Variants in SYT1 observed in about 807,000 individuals in gnomAD.
SYT1 encodes the protein synaptotagmin 1.
Under a neutral mutation model 44.8 loss-of-function variants are expected in SYT1, and 8 were observed. The ratio of observed to expected loss-of-function variants is 0.18; its 90% CI spans 0.10 to 0.32. The LOEUF is 0.32. Ranked by LOEUF, SYT1 falls within the 10% of genes least tolerant of loss-of-function variation. The pLI is 1.00. For missense variants in SYT1, 286 were observed against 509.3 expected, an observed-to-expected ratio of 0.56 and a Z score of 4.22; for synonymous variants, 154 against 188.8, an observed-to-expected ratio of 0.82 and a Z score of 1.51.
intron 1 of SYT1, among the ~76,000 whole-genome samples, chr12:78,896,332 A>C (rs986815101): frequency 1.3e-5 from 2 of 151,826 alleles, no homozygotes. Flanking sequence ...GGAAGAAAGA[A>C]TATATGGAAA....
intron 8 of SYT1, among the ~76,000 whole-genome samples, chr12:79,338,549 A>C (rs1459246652): frequency 6.6e-6 from 1 of 151,522 alleles, no homozygotes; most frequent in South Asian, 2.1e-4. Flanking sequence ...CTGGGATTAC[A>C]ACTGTGAGCC....
At chr12:79,285,627 G>A (rs566831815) in intron 4 of SYT1, among the ~76,000 whole-genome samples, 160 bp from the exon 5 acceptor site, 1 of 152,306 alleles carries the variant, frequency 6.6e-6, no homozygotes, top group African/African-American at 2.4e-5. Flanking sequence ...ACTCAAGGGA[G>A]ACAACAACAT....
At chr12:79,249,755 A>G (rs1185166145) in intron 4 of SYT1, among the ~76,000 whole-genome samples, 5 of 152,092 alleles carry the variant, frequency 3.3e-5, no homozygotes, top group Admixed American at 2.6e-4. Context: ...AGAGAAGGTT[A>G]GGTCACCATT....
At chr12:78,880,535 C>T (rs780075487) in intron 1 of SYT1, among the ~76,000 whole-genome samples, 2 of 151,458 alleles carry the variant, frequency 1.3e-5, no homozygotes, top group African/African-American at 2.4e-5. Context: ...ACTTCCTGAT[C>T]TCCGAATGCC....
At chr12:79,321,543 G>A (rs1475773740) in intron 8 of SYT1, among the ~76,000 whole-genome samples, 1 of 152,184 alleles carries the variant, frequency 6.6e-6, no homozygotes, top group Non-Finnish European at 1.5e-5. Context: ...ATGTTAAAGG[G>A]AAGGAAATGG....
chr12:79,248,787 C>T (rs1043584924), intron 4 of SYT1, among the ~76,000 whole-genome samples: 1 of 152,142 alleles, frequency 6.6e-6, no homozygotes, highest in African/African-American at 2.4e-5. Context: ...GCTGGAGACC[C>T]TTGACATTCT....
At chr12:79,317,930 G>A (rs781387961) in intron 8 of SYT1, among the ~76,000 whole-genome samples, 1 of 152,082 alleles carries the variant, frequency 6.6e-6, no homozygotes, top group East Asian at 1.9e-4. Context: ...ATTTTGGTGT[G>A]TTAATGTCAG....
chr12:79,244,057 C>G (rs559240445), intron 4 of SYT1, among the ~76,000 whole-genome samples: 4 of 152,270 alleles, frequency 2.6e-5, no homozygotes, highest in African/African-American at 9.6e-5. Flanking sequence ...TCATAATGAA[C>G]TCTTACACCA....
chr12:78,912,641 G>A (rs1452954098), intron 1 of SYT1, among the ~76,000 whole-genome samples: 1 of 151,898 alleles, frequency 6.6e-6, no homozygotes, highest in Admixed American at 6.6e-5. Context: ...AAAGGTAAAG[G>A]CAGTGAATTT....
At chr12:79,125,182 C>A (rs1266058968) in intron 3 of SYT1, among the ~76,000 whole-genome samples, 1 of 152,066 alleles carries the variant, frequency 6.6e-6, no homozygotes, top group Non-Finnish European at 1.5e-5. Context: ...AAGGTTAAAT[C>A]ATAGAATCCT....
chr12:78,988,159 G>C (rs1187771894), intron 2 of SYT1, among the ~76,000 whole-genome samples: 1 of 151,522 alleles, frequency 6.6e-6, no homozygotes, highest in East Asian at 1.9e-4. Flanking sequence ...CAATGCGTTA[G>C]GCATTATACC....
chr12:79,050,407 C>T (rs942387465), intron 3 of SYT1, among the ~76,000 whole-genome samples: 1 of 151,904 alleles, frequency 6.6e-6, no homozygotes, highest in Non-Finnish European at 1.5e-5. Context: ...AGTTCAAACC[C>T]GTGTTGTTCA....
intron 2 of SYT1, among the ~76,000 whole-genome samples, chr12:79,026,243 A>G (rs1473566534): frequency 6.6e-6 from 1 of 151,670 alleles, no homozygotes; most frequent in Non-Finnish European, 1.5e-5. Context: ...TGTTGGGCAT[A>G]GAAATTATAT....
chr12:79,314,218 A>G (rs1394369391), intron 8 of SYT1, among the ~76,000 whole-genome samples: 4 of 151,642 alleles, frequency 2.6e-5, no homozygotes, highest in Non-Finnish European at 4.4e-5. Context: ...TATTAAAAAC[A>G]TTGGTCAGAG....
intron 6 of SYT1, among the ~76,000 whole-genome samples, chr12:79,293,816 T>A (rs938099654): frequency 6.6e-6 from 1 of 152,218 alleles, no homozygotes; most frequent in African/African-American, 2.4e-5. Context: ...AGTTATTACA[T>A]AATACATTCT....
chr12:78,935,886 T>C (rs550092622), intron 1 of SYT1, among the ~76,000 whole-genome samples: 22 of 152,160 alleles, frequency 1.4e-4, no homozygotes, highest in Non-Finnish European at 3.1e-4. Flanking sequence ...ACCTAAGCTA[T>C]ATCTTAGGGC....
intron 3 of SYT1, among the ~76,000 whole-genome samples, chr12:79,172,478 G>A (rs1384126984): frequency 1.3e-5 from 2 of 151,876 alleles, no homozygotes; most frequent in Non-Finnish European, 2.9e-5. Flanking sequence ...CTTGGCAATT[G>A]GAAAATATTA....
intron 3 of SYT1, among the ~76,000 whole-genome samples, chr12:79,214,337 T>G (rs1874648270): frequency 6.6e-6 from 1 of 152,198 alleles, no homozygotes; most frequent in African/African-American, 2.4e-5. Flanking sequence ...CTCTTACTTT[T>G]CTGATGAACA....
chr12:79,112,308 T>C (rs1436059056), intron 3 of SYT1, among the ~76,000 whole-genome samples: 1 of 152,048 alleles, frequency 6.6e-6, no homozygotes, highest in Non-Finnish European at 1.5e-5. Context: ...TAATGAGACG[T>C]TGAGTAAAAG....
Sources: gnomAD v4.1 joint callset for allele counts (sites outside exome capture counted in the v4.1 genomes callset) on GRCh38, gnomAD v4.1.1 for gene constraint, MANE v1.5 for transcripts, NCBI Gene and HGNC (gene_info 2026-07-23, HGNC 2026-07-21) for gene names.